The following SELENOP variants were observed in gnomAD, a reference collection of about 807,000 sequenced individuals.
SELENOP encodes the protein selenoprotein P, also known as selenoprotein P, plasma, 1.
A neutral mutation model predicts 41.0 loss-of-function variants in SELENOP; 36 were observed. The observed-to-expected ratio is 0.88, with a 90% CI of 0.67 to 1.16. The LOEUF (loss-of-function observed/expected upper bound fraction) is 1.16. SELENOP is among the 50% of genes most tolerant of loss of function. The pLI is 0.00. For synonymous variants in SELENOP, 144 were observed against 150.8 expected, an observed-to-expected ratio of 0.95 and a Z score of 0.33; for missense variants, 440 against 454.2, an observed-to-expected ratio of 0.97 and a Z score of 0.28.
chr5:42,806,907 G>A lies in SELENOP; in HGVS notation c.405C>T (p.Leu135=), dbSNP rs371502853. 5.3e-4 allele frequency: 844 copies of A among 1,601,530 alleles called. No homozygotes were observed. Among genetic ancestry groups the A allele is most frequent in the Non-Finnish European group, 6.7e-4 (789 of 1,170,396 alleles). Residue 135 remains leucine, a synonymous_variant, in exon 3 of 5, where the codon CTC becomes CTT. Transcript: ENST00000514985. ...TLLNGSKDDF[L]IYDRCGRLVY... is the part of the protein sequence containing the mutation. ...GTGTATGTACAAACCTATCATATAT[G>A]AGGAAGTCATCTTTGCTTCCATTTA...
chr5:42,801,272 A>T lies in SELENOP; in HGVS notation c.594T>A (p.Val198=). 6.2e-7 allele frequency: 1 copy of T among 1,614,112 alleles called. No individual in the cohort carries two copies. The highest frequency in any genetic ancestry group is 8.5e-7 in the Non-Finnish European group (1 of 1,180,014). ...GATGGTAATGAGGCGATGGAGTTTC[A>T]ACTGTTTTATCCACAGTAGCCAAAG... ...RVSLATVDKT[V]ETPSPHYHHE... Residue 198 remains valine, a synonymous_variant, in exon 5 of 5, where the codon GTT becomes GTA. Coordinates refer to ENST00000514985, the MANE Select transcript of SELENOP (RefSeq NM_005410.4).
At position 42,799,900 on chromosome 5, in the gene SELENOP, GAATTT is replaced by G; in HGVS notation, c.*815_*819del. The G allele has an allele frequency of 2.7e-6, 3 of 1,122,796 alleles. No individual in the cohort carries two copies. The highest frequency in any genetic ancestry group is 5.2e-5 in the East Asian group (2 of 38,596). The allele number at this position is 1,122,796 out of a possible 1,614,324, so 69.6% of individuals were successfully genotyped here. The stretch of plus-strand genomic sequence containing the variant: ...CGAAGTCAGCTTTAAGGTTTTTATT[GAATTT>G]ATTTGGACAAATCCGTACTGTATCC... On this transcript the variant is annotated 3_prime_UTR_variant, in exon 5 of 5. Transcript: ENST00000514985.
chr5:42,800,876 T>A lies in SELENOP; in HGVS notation c.990A>T (p.Sec330Cys), dbSNP rs1311386285. Residue 330 changes from selenocysteine to cysteine, a missense_variant, in exon 5 of 5, where the codon TGA becomes TGT. Coordinates refer to ENST00000514985, the MANE Select transcript of SELENOP (RefSeq NM_005410.4). The stretch of plus-strand genomic sequence containing the variant: ...TGTTCTCCTCTGCCCGAAGTCCCTG[T>A]CAGCTACATAAAGATGGGAGGTTTT... ...CKENLPSLCS[U>C]QGLRAEENIT... 6.2e-7 allele frequency: 1 copy of A among 1,614,202 alleles called. No homozygotes were observed. Among genetic ancestry groups the A allele is most frequent in the Admixed American group, 1.7e-5 (1 of 60,020 alleles).
Position 42,807,113 on chromosome 5 carries a change from A to C in SELENOP, c.204-5T>G. On this transcript the variant is annotated splice_region_variant and splice_polypyrimidine_tract_variant and intron_variant, in intron 2 of 4. Transcript: ENST00000514985. ...TTTACTCGCAGGTCTTCTAATCTAA[A>C]ATATTTGGGAAGAAATACATAAAAT... 7.5e-7 allele frequency: 1 copy of C among 1,327,260 alleles called. No homozygotes were observed. The highest frequency in any genetic ancestry group is 1.1e-6 in the Non-Finnish European group (1 of 937,622). 82.2% of individuals were successfully genotyped at this position (1,327,260 alleles called of 1,614,324 possible). A position where few individuals can be genotyped will look rare whatever the true frequency, so the allele number is the denominator to read the frequency against.
chr5:42,809,646 G>A (rs1330523422), intron 1 of SELENOP: 1 of 213,908 alleles, frequency 4.7e-6, no homozygotes, highest in East Asian at 1.8e-4. Context: ...AGAATTAAGA[G>A]AAGAATAGAA....
rs1481839149 is a variant in SELENOP, at chr5:42,806,906, T to A, written c.406A>T (p.Ile136Leu). Residue 136 changes from isoleucine (I) to leucine (L), a missense_variant, in exon 3 of 5, where the codon ATA (isoleucine) becomes TTA (leucine). Transcript: ENST00000514985. ...TGTGTATGTACAAACCTATCATATA[T>A]GAGGAAGTCATCTTTGCTTCCATTT... ...LLNGSKDDFLIYDRCGRLVYH... is the reference protein window; with the variant it reads ...LLNGSKDDFLLYDRCGRLVYH... 1 of 1,601,552 alleles carries A rather than the reference T, an allele frequency of 6.2e-7. No individual in the cohort carries two copies.
chr5:42,811,177 T>C (rs142837003), intron 1 of SELENOP, among the ~76,000 whole-genome samples: 7 of 152,348 alleles, frequency 4.6e-5, no homozygotes, highest in African/African-American at 1.7e-4. Flanking sequence ...GTACAAACTT[T>C]CTCTGTCCTC....
Position 42,800,816 on chromosome 5 carries a change from A to T in SELENOP, c.1050T>A (p.Ala350=). The change falls in exon 5 of 5, where the codon GCT becomes GCA. Residue 350 remains alanine (A), a synonymous_variant. Transcript: ENST00000514985. ...TAAGCTGCTGACTTATTTGTCAGGC[A>T]GCTGGAGGCAAACGTCACTGACAAG... ...TESCQURLPP[A]AUQISQQLIP... 6.2e-7 allele frequency: 1 copy of T among 1,614,228 alleles called. No homozygotes were observed. Among genetic ancestry groups the T allele is most frequent in the Non-Finnish European group, 8.5e-7 (1 of 1,180,034 alleles).
chr5:42,806,812 ATTG>A, intron 3 of SELENOP, 81 bp downstream of exon 3: 1 of 688,340 alleles, frequency 1.5e-6, no homozygotes, highest in South Asian at 2.2e-5. Flanking sequence ...AGTAAAGAAG[ATTG>A]TTATGTGTGA....
chr5:42,808,704 C>T (rs987957026), intron 1 of SELENOP, among the ~76,000 whole-genome samples: 11 of 150,114 alleles, frequency 7.3e-5, no homozygotes, highest in African/African-American at 2.7e-4. Flanking sequence ...GTCAGGAGAT[C>T]GAGACCATCC....
chr5:42,805,267 G>C (rs1259604870), intron 3 of SELENOP: 5 of 152,200 alleles, frequency 3.3e-5, no homozygotes, highest in Non-Finnish European at 5.9e-5. Flanking sequence ...TCAGCACAAT[G>C]AAAGTATTAG....
chr5:42,799,995 G>T lies in SELENOP; in HGVS notation c.*725C>A. 3 of 511,462 alleles carry T rather than the reference G, an allele frequency of 5.9e-6. No individual in the cohort carries two copies. The allele number at this position is 511,462 out of a possible 1,614,324, so 31.7% of individuals were successfully genotyped here. ...AAGGAGGTCAGGTTTATAGGGTTTG[G>T]TTTACCTATTAAACCATCATTGACT... On this transcript the variant is annotated 3_prime_UTR_variant, in exon 5 of 5. Coordinates refer to ENST00000514985, the MANE Select transcript of SELENOP (RefSeq NM_005410.4).
chr5:42,804,740 AGGC>A lies in SELENOP; in HGVS notation c.447_449del (p.Leu149_Pro150delinsPhe). On this transcript the variant is annotated inframe_deletion, in exon 4 of 5. Transcript: ENST00000514985. ...CATATGGGAAAGTTAGGAAGGAAAA[AGGC>A]AAACCAAGATGATATACAAGACGGC... 1 of 1,609,590 alleles carries A rather than the reference AGGC, an allele frequency of 6.2e-7. No homozygotes were observed. Among genetic ancestry groups the A allele is most frequent in the South Asian group, 1.1e-5 (1 of 90,772 alleles).
chr5:42,809,317 ACG>A (rs1760410627), intron 1 of SELENOP, among the ~76,000 whole-genome samples: 1 of 152,254 alleles, frequency 6.6e-6, no homozygotes, highest in Non-Finnish European at 1.5e-5. Flanking sequence ...CCTCTGAGCA[ACG>A]AAATTAAAAT....
Position 42,806,892 on chromosome 5 carries a change from A to G in SELENOP, c.416+4T>C. 1.3e-6 allele frequency: 2 copies of G among 1,577,074 alleles called. No homozygotes were observed. Among genetic ancestry groups the G allele is most frequent in the Non-Finnish European group, 1.7e-6 (2 of 1,149,476 alleles). ...TTGGGATGTGTTTGTGTGTATGTAC[A>G]AACCTATCATATATGAGGAAGTCAT... On this transcript the variant is annotated splice_donor_region_variant and intron_variant, in intron 3 of 4. Coordinates refer to ENST00000514985, the MANE Select transcript of SELENOP (RefSeq NM_005410.4).
intron 4 of SELENOP, among the ~76,000 whole-genome samples, chr5:42,802,858 C>A (rs1323576461): frequency 1.3e-5 from 2 of 152,214 alleles, no homozygotes; most frequent in Admixed American, 1.3e-4. Flanking sequence ...ATTCATCCAC[C>A]TCGGCCTCCC....
Position 42,799,886 on chromosome 5 carries a change from T to C in SELENOP, c.*834A>G. The C allele has an allele frequency of 8.0e-7, 1 of 1,246,356 alleles. No individual in the cohort carries two copies. The highest frequency in any genetic ancestry group is 1.1e-6 in the Non-Finnish European group (1 of 895,054). 77.2% of individuals were successfully genotyped at this position (1,246,356 alleles called of 1,614,324 possible). ...GCCTACATAACAAACGAAGTCAGCT[T>C]TAAGGTTTTTATTGAATTTATTTGG... is the stretch of plus-strand genomic sequence containing the variant. On this transcript the variant is annotated 3_prime_UTR_variant, in exon 5 of 5. Coordinates refer to ENST00000514985, the MANE Select transcript of SELENOP (RefSeq NM_005410.4).
intron 1 of SELENOP, chr5:42,809,762 A>T (rs1024756990): frequency 3.2e-6 from 3 of 946,690 alleles, no homozygotes; most frequent in Non-Finnish European, 3.8e-6. Context: ...ACTCTTACCT[A>T]TATATGATAT....
chr5:42,801,411 C>T, intron 4 of SELENOP, 80 bp from the exon 5 acceptor site: 1 of 1,087,370 alleles, frequency 9.2e-7, no homozygotes, highest in Non-Finnish European at 1.3e-6. Flanking sequence ...GTAGAGCTAA[C>T]ATGTGAAATT....
Sources: allele counts gnomAD v4.1 joint callset (sites outside exome capture counted in the v4.1 genomes callset), GRCh38; gene constraint gnomAD v4.1.1; transcripts MANE v1.5; gene names NCBI Gene and HGNC (gene_info 2026-07-23, HGNC 2026-07-21).